ZNF770: variants seen among roughly 807,000 people sequenced by gnomAD.
ZNF770 encodes the protein zinc finger protein 770.
In ZNF770, 13 loss-of-function variants were observed where a neutral mutation model predicts 44.8. The observed-to-expected ratio is 0.29, with a 90% CI of 0.19 to 0.46. The LOEUF (loss-of-function observed/expected upper bound fraction) is 0.46, where lower values mean the gene tolerates loss of function less well. ZNF770 is among the 20% of genes least tolerant of loss of function. The probability of loss-of-function intolerance (pLI) is 1.00; values close to 1 mark genes in which losing one functional copy is unlikely to be tolerated. For missense variants in ZNF770, 681 were observed against 797.9 expected, an observed-to-expected ratio of 0.85 and a Z score of 1.77; for synonymous variants, 304 against 271.8, an observed-to-expected ratio of 1.12 and a Z score of -1.17.
Position 34,979,507 on chromosome 15 carries a change from G to A in ZNF770, c.*1852C>T. 1 of 304,286 alleles carries A rather than the reference G, an allele frequency of 3.3e-6. No individual in the cohort carries two copies. The highest frequency in any genetic ancestry group is 2.6e-5 in the South Asian group (1 of 39,024). The allele number at this position is 304,286 out of a possible 1,614,324, so 18.8% of individuals were successfully genotyped here. On this transcript the variant is annotated 3_prime_UTR_variant, in exon 3 of 3. Coordinates refer to ENST00000356321, the MANE Select transcript of ZNF770 (RefSeq NM_014106.4). The stretch of plus-strand genomic sequence containing the variant: ...AGCATGTGATTCTCCTGTTTTTGCT[G>A]GATGTCTGTATCTACATAATAAACA...
rs770123156 is a variant in ZNF770, at chr15:34,982,532, C to A, written c.903G>T (p.Lys301Asn). 2 of 1,613,976 alleles carry A rather than the reference C, an allele frequency of 1.2e-6. No homozygotes were observed. Among genetic ancestry groups the A allele is most frequent in the African/African-American group, 1.3e-5 (1 of 75,030 alleles). Residue 301 changes from lysine to asparagine, a missense_variant, in exon 3 of 3, where the codon AAG becomes AAT. This residue lies in a region of ZNF770 where 432 missense variants were observed against 434.1 expected (regional missense o/e 1.00). Transcript: ENST00000356321. ...IVPFQCPKCEKCFESEQILNE... is the reference protein window; with the variant it reads ...IVPFQCPKCENCFESEQILNE... ...TGAGAATCTGCTCTGATTCAAAACA[C>A]TTTTCACACTTTGGACATTGAAAAG...
Position 34,983,119 on chromosome 15 carries a change from T to A in ZNF770, c.316A>T (p.Thr106Ser), listed in dbSNP as rs773915158. 3.1e-6 allele frequency: 5 copies of A among 1,614,100 alleles called. No homozygotes were observed. The highest frequency in any genetic ancestry group is 3.4e-6 in the Non-Finnish European group (4 of 1,179,992). ...FVKHQQLHNE[T>S]YQNNVKQVRR... is the part of the protein sequence containing the mutation. ...ACCTGTTTAACATTATTCTGATAGG[T>A]TTCATTGTGAAGTTGTTGGTGCTTC... Residue 106 changes from threonine (T) to serine (S), a missense_variant, in exon 3 of 3, where the codon ACC (threonine) becomes TCC (serine). Transcript: ENST00000356321.
chr15:34,987,614 CTAG>C lies in ZNF770; in HGVS notation c.-117_-115del, dbSNP rs1306931295. On this transcript the variant is annotated 5_prime_UTR_variant, in exon 2 of 3. Coordinates refer to ENST00000356321, the MANE Select transcript of ZNF770 (RefSeq NM_014106.4). Reference sequence around the variant, plus strand: ...AAGCCTGTTGATTTTCTTGTCTTGACTAGTACCATTAAAACGATGTGAGGATTT... The same window carrying C: ...AAGCCTGTTGATTTTCTTGTCTTGACTACCATTAAAACGATGTGAGGATTT... 1 of 152,210 alleles carries C rather than the reference CTAG, an allele frequency of 6.6e-6. No homozygotes were observed. The highest frequency in any genetic ancestry group is 1.5e-5 in the Non-Finnish European group (1 of 68,036). 9.4% of individuals were successfully genotyped at this position (152,210 alleles called of 1,614,324 possible).
rs575917637 is a variant in ZNF770, at chr15:34,981,399, C to A, written c.2036G>T (p.Arg679Leu). The A allele has an allele frequency of 9.3e-6, 15 of 1,613,066 alleles. No individual in the cohort carries two copies. The highest frequency in any genetic ancestry group is 1.1e-5 in the Non-Finnish European group (13 of 1,179,984). The change falls in exon 3 of 3, where the codon CGA (arginine) becomes CTA (leucine). Residue 679 changes from arginine (R) to leucine (L), a missense_variant. This residue lies in a region of ZNF770 where 26 missense variants were observed against 23.9 expected (regional missense o/e 1.09). Transcript: ENST00000356321. ...TAAGGCAACCACTTTCCCTTGTGGTCGTTCTTTAAAGTGAGTAAGCTGATG... is the reference window on the plus strand; with the variant it reads ...TAAGGCAACCACTTTCCCTTGTGGTAGTTCTTTAAAGTGAGTAAGCTGATG... ...KRHQLTHFKERPQGKVVALDS... is the reference protein window; with the variant it reads ...KRHQLTHFKELPQGKVVALDS...
intron 2 of ZNF770, among the ~76,000 whole-genome samples, chr15:34,986,954 T>C (rs1309196574): frequency 2.0e-5 from 3 of 152,142 alleles, no homozygotes; most frequent in Non-Finnish European, 4.4e-5. Context: ...CCATATCGAG[T>C]ATGGTGTGGG....
At position 34,982,630 on chromosome 15, in the gene ZNF770, C is replaced by T. The variant is rs1438827426; in HGVS notation, c.805G>A (p.Gly269Ser). The change falls in exon 3 of 3, where the codon GGT (glycine) becomes AGT (serine). Residue 269 changes from glycine to serine, a missense_variant. Gly to Ser is a moderately conservative substitution (Grantham distance 56). Transcript: ENST00000356321. ...TCACCAATCTCACCATTTTCAAAAC[C>T]ACCCTGATTTGCATTTAACTTATTA... Reference protein sequence around the residue: ...LPNKLNANQGGFENGEIGESE... With the variant: ...LPNKLNANQGSFENGEIGESE... The T allele has an allele frequency of 3.7e-6, 6 of 1,613,020 alleles. No individual in the cohort carries two copies. The highest frequency in any genetic ancestry group is 1.3e-5 in the African/African-American group (1 of 75,006).
rs1595372573 is a variant in ZNF770 at position 34,979,881 on chromosome 15, G to C, written c.*1478C>G. 3.4e-6 allele frequency: 1 copy of C among 296,240 alleles called. No homozygotes were observed. Among genetic ancestry groups the C allele is most frequent in the South Asian group, 2.7e-5 (1 of 36,630 alleles). The allele number at this position is 296,240 out of a possible 1,614,324, so 18.4% of individuals were successfully genotyped here. A position where few individuals can be genotyped will look rare whatever the true frequency, so the allele number is the denominator to read the frequency against. On this transcript the variant is annotated 3_prime_UTR_variant, in exon 3 of 3. Coordinates refer to ENST00000356321, the MANE Select transcript of ZNF770 (RefSeq NM_014106.4). The stretch of plus-strand genomic sequence containing the variant: ...TTTTATAAACAAAGGCAAATATGAA[G>C]GAAAATTTGTAATTATGAAATAAGT...
At position 34,979,862 on chromosome 15, in the gene ZNF770, A is replaced by C; in HGVS notation, c.*1497T>G. On this transcript the variant is annotated 3_prime_UTR_variant, in exon 3 of 3. Coordinates refer to ENST00000356321, the MANE Select transcript of ZNF770 (RefSeq NM_014106.4). ...AGAATGTCATTCCTGAAGATTTTAT[A>C]AACAAAGGCAAATATGAAGGAAAAT... is the stretch of plus-strand genomic sequence containing the variant. 3.2e-6 allele frequency: 1 copy of C among 309,318 alleles called. No individual in the cohort carries two copies. The highest frequency in any genetic ancestry group is 6.3e-6 in the Non-Finnish European group (1 of 158,294). The allele number at this position is 309,318 out of a possible 1,614,324, so 19.2% of individuals were successfully genotyped here.
In ZNF770 at chr15:34,981,669, G is replaced by C. The variant is rs1177939454; in HGVS notation, c.1766C>G (p.Pro589Arg). The C allele has an allele frequency of 1.2e-6, 2 of 1,613,980 alleles. No homozygotes were observed. The highest frequency in any genetic ancestry group is 1.3e-5 in the African/African-American group (1 of 74,934). ...AAGACAGGGTTGCCCGGTGCTACCA[G>C]GAATAAAATCCTGTGACTCTGCCTT... is the stretch of plus-strand genomic sequence containing the variant. The part of the protein sequence containing the change: ...GVKAESQDFI[P>R]GSTGQPCLPN... Residue 589 changes from proline to arginine, a missense_variant, in exon 3 of 3, where the codon CCT (proline) becomes CGT (arginine). Pro to Arg is a moderately radical substitution (Grantham distance 103). This residue lies in a region of ZNF770 where 148 missense variants were observed against 191.0 expected (regional missense o/e 0.77). Transcript: ENST00000356321.
chr15:34,983,003 G>C lies in ZNF770; in HGVS notation c.432C>G (p.Cys144Trp). 5.0e-6 allele frequency: 8 copies of C among 1,614,030 alleles called. No homozygotes were observed. Among genetic ancestry groups the C allele is most frequent in the Non-Finnish European group, 6.8e-6 (8 of 1,179,968 alleles). The change falls in exon 3 of 3, where the codon TGC becomes TGG. Residue 144 changes from cysteine (C) to tryptophan (W), a missense_variant. By Grantham distance (215) the Cys-to-Trp change is radical. Coordinates refer to ENST00000356321, the MANE Select transcript of ZNF770 (RefSeq NM_014106.4). ...TTEERWALHP[C>W]SKSDPMYSMK... Reference sequence around the variant, plus strand: ...TGCTATACATGGGATCAGACTTAGAGCACGGGTGTAATGCCCATCTTTCCT... The same window carrying C: ...TGCTATACATGGGATCAGACTTAGACCACGGGTGTAATGCCCATCTTTCCT...
chr15:34,982,430 A>G lies in ZNF770; in HGVS notation c.1005T>C (p.Ile335=). The change falls in exon 3 of 3, where the codon ATT becomes ATC. Residue 335 remains isoleucine, a synonymous_variant. Transcript: ENST00000356321. ...RFKRSYNYKT[I]VKKILAKLKR... The stretch of plus-strand genomic sequence containing the variant: ...TAAGCTTGGCCAAGATTTTTTTAAC[A>G]ATGGTTTTATAGTTGTAGCTTCTTT... 1 of 1,613,656 alleles carries G rather than the reference A, an allele frequency of 6.2e-7. No individual in the cohort carries two copies. Among genetic ancestry groups the G allele is most frequent in the Non-Finnish European group, 8.5e-7 (1 of 1,179,790 alleles).
intron 2 of ZNF770, among the ~76,000 whole-genome samples, chr15:34,985,445 T>A (rs2050427832): frequency 2.0e-5 from 3 of 152,292 alleles, no homozygotes; most frequent in Admixed American, 2.0e-4. Context: ...ATACCCACTG[T>A]GGTTCTTTAG....
chr15:34,981,546 C>G lies in ZNF770; in HGVS notation c.1889G>C (p.Cys630Ser). ...NDVFLYRCSVCAKSFRSPSKL... is the reference protein window; with the variant it reads ...NDVFLYRCSVSAKSFRSPSKL... ...AGATGGAGATCGGAAACTTTTAGCA[C>G]AAACACTGCATCGGTACAGGAAGAC... Residue 630 changes from cysteine (C) to serine (S), a missense_variant, in exon 3 of 3, where the codon TGT becomes TCT. Physicochemically the swap from Cys to Ser is moderately radical, Grantham distance 112. Coordinates refer to ENST00000356321, the MANE Select transcript of ZNF770 (RefSeq NM_014106.4). 6.2e-7 allele frequency: 1 copy of G among 1,614,200 alleles called. No homozygotes were observed. Among genetic ancestry groups the G allele is most frequent in the Non-Finnish European group, 8.5e-7 (1 of 1,180,038 alleles).
At position 34,980,306 on chromosome 15, in the gene ZNF770, T is replaced by A. The variant is rs903016700; in HGVS notation, c.*1053A>T. On this transcript the variant is annotated 3_prime_UTR_variant, in exon 3 of 3. Coordinates refer to ENST00000356321, the MANE Select transcript of ZNF770 (RefSeq NM_014106.4). ...CTGAAAAGGTAAAACTCATACGTAT[T>A]ATGAAAAAGACTATGGCACTTAGAA... The A allele has an allele frequency of 1.3e-5, 2 of 152,112 alleles. No individual in the cohort carries two copies. Among genetic ancestry groups the A allele is most frequent in the African/African-American group, 4.8e-5 (2 of 41,408 alleles). 9.4% of individuals were successfully genotyped at this position (152,112 alleles called of 1,614,324 possible).
Position 34,981,665 on chromosome 15 carries a change from A to T in ZNF770, c.1770T>A (p.Gly590=), listed in dbSNP as rs151315389. 3.4e-3 allele frequency: 5,412 copies of T among 1,614,126 alleles called. 12 individuals carry two copies. Among genetic ancestry groups the T allele is most frequent in the Non-Finnish European group, 4.3e-3 (5,050 of 1,180,032 alleles). ...TAGGAAGACAGGGTTGCCCGGTGCT[A>T]CCAGGAATAAAATCCTGTGACTCTG... ...VKAESQDFIP[G]STGQPCLPNV... The change falls in exon 3 of 3, where the codon GGT becomes GGA. Residue 590 remains glycine (G), a synonymous_variant. Coordinates refer to ENST00000356321, the MANE Select transcript of ZNF770 (RefSeq NM_014106.4).
At position 34,988,134 on chromosome 15, in the gene ZNF770, G is replaced by A. The variant is rs909539054; in HGVS notation, c.-192C>T. ...CAGGCACCTTGGCGGTATTGAGGCA[G>A]GTCCGACCCTCCCTGGGGGTCGCTC... On this transcript the variant is annotated 5_prime_UTR_variant, in exon 1 of 3. Coordinates refer to ENST00000356321, the MANE Select transcript of ZNF770 (RefSeq NM_014106.4). 1.8e-4 allele frequency: 28 copies of A among 152,384 alleles called. No homozygotes were observed. The highest frequency in any genetic ancestry group is 6.3e-4 in the African/African-American group (26 of 41,588). The allele number at this position is 152,384 out of a possible 1,614,324, so 9.4% of individuals were successfully genotyped here.
In ZNF770 at chr15:34,980,073, T is replaced by C. The variant is rs1183422045; in HGVS notation, c.*1286A>G. On this transcript the variant is annotated 3_prime_UTR_variant, in exon 3 of 3. Transcript: ENST00000356321. ...CTTTAGCAATAGACTCCTGCAAAAATAAAAACTAAAACTAGACCTAGTCAT... is the reference window on the plus strand; with the variant it reads ...CTTTAGCAATAGACTCCTGCAAAAACAAAAACTAAAACTAGACCTAGTCAT... The C allele has an allele frequency of 5.1e-5, 8 of 155,710 alleles. No individual in the cohort carries two copies. Among genetic ancestry groups the C allele is most frequent in the South Asian group, 1.8e-4 (1 of 5,424 alleles). The allele number at this position is 155,710 out of a possible 1,614,324, so 9.6% of individuals were successfully genotyped here.
At chr15:34,986,507 G>C (rs2050435001) in intron 2 of ZNF770, among the ~76,000 whole-genome samples, 1 of 152,218 alleles carries the variant, frequency 6.6e-6, no homozygotes, top group African/African-American at 2.4e-5. Flanking sequence ...GAACTTGGCA[G>C]CAATTAGGTG....
Position 34,981,509 on chromosome 15 carries a change from TCTTTC to T in ZNF770, c.1921_1925del (p.Glu641ThrfsTer12). ...TCTGCCCTGCATGAATTAGGTAGTG[TCTTTC>T]CAGTTTAGATGGAGATCGGAAACTT... On this transcript the variant is annotated frameshift_variant, in exon 3 of 3. Transcript: ENST00000356321. LOFTEE classifies it high-confidence loss of function. 1.2e-6 allele frequency: 2 copies of T among 1,614,224 alleles called. No individual in the cohort carries two copies. Among genetic ancestry groups the T allele is most frequent in the Non-Finnish European group, 1.7e-6 (2 of 1,180,036 alleles).
Sources: gnomAD v4.1 joint callset for allele counts (sites outside exome capture counted in the v4.1 genomes callset) on GRCh38, gnomAD v4.1.1 for gene constraint, gnomAD v4.1.1 regional missense constraint, MANE v1.5 for transcripts, NCBI Gene and HGNC (gene_info 2026-07-23, HGNC 2026-07-21) for gene names.